Variants in EXOC7 observed in about 807,000 individuals in gnomAD.
EXOC7 encodes exocyst complex component 7, also known as exocyst complex component Exo70.
In EXOC7, 51 loss-of-function variants were observed where a neutral mutation model predicts 87.6. The ratio of observed to expected loss-of-function variants is 0.58; its 90% CI spans 0.46 to 0.73. The LOEUF is 0.73. EXOC7 is among the 30% of genes least tolerant of loss of function. The pLI is 0.00. For synonymous variants in EXOC7, 327 were observed against 357.1 expected (o/e 0.92, Z 0.95); for missense variants, 744 against 888.4 (o/e 0.84, Z 2.07).
In EXOC7 at chr17:76,085,263, G is replaced by A. The variant is rs555967410; in HGVS notation, c.1712+51C>T. 4 of 1,414,650 alleles carry A rather than the reference G, an allele frequency of 2.8e-6. No homozygotes were observed. The East Asian group carries it at 7.3e-5, about 26-fold the overall frequency. The allele number at this position is 1,414,650 out of a possible 1,614,324, so 87.6% of individuals were successfully genotyped here. A position where few individuals can be genotyped will look rare whatever the true frequency, so the allele number is the denominator to read the frequency against. On this transcript the variant is annotated intron_variant, in intron 15 of 18. Coordinates refer to ENST00000589210, the MANE Select transcript of EXOC7 (RefSeq NM_001013839.4). ...TCCTGAGGTGCTGAGAAGGAAGAGT[G>A]CGTGGTGGCACAGGGGCCCATGCAG...
intron 12 of EXOC7, 156 bp downstream of exon 12, chr17:76,087,498 G>T: frequency 1.5e-6 from 1 of 688,846 alleles, no homozygotes; most frequent in Non-Finnish European, 2.4e-6. Flanking sequence ...GGCAAACCTT[G>T]CTCTCCTGAT....
At chr17:76,091,554 A>AGGAC in intron 6 of EXOC7, 1 of 286,072 alleles carries the variant, frequency 3.5e-6, no homozygotes, top group Non-Finnish European at 6.7e-6. Flanking sequence ...CATAATCAGA[A>AGGAC]CAGGCGAGGG....
chr17:76,091,175 T>C lies in EXOC7; in HGVS notation c.869A>G (p.Lys290Arg). The change falls in exon 7 of 19, where the codon AAA (lysine) becomes AGA (arginine). Residue 290 changes from lysine to arginine, a missense_variant. By Grantham distance (26) the Lys-to-Arg change is conservative (BLOSUM62 2). Coordinates refer to ENST00000589210, the MANE Select transcript of EXOC7 (RefSeq NM_001013839.4). ...KQYSQHGLDG[K>R]KGGSNLIPLE... ...AGGAATGAGGTTAGAGCCCCCCTTT[T>C]TCCCATCTAGACCATGCTGGGAATA... The C allele has an allele frequency of 1.2e-6, 2 of 1,614,160 alleles. No homozygotes were observed. Among genetic ancestry groups the C allele is most frequent in the Non-Finnish European group, 1.7e-6 (2 of 1,180,016 alleles).
intron 15 of EXOC7, 79 bp downstream of exon 15, chr17:76,085,235 G>C: frequency 1.7e-6 from 2 of 1,178,948 alleles, no homozygotes; most frequent in Non-Finnish European, 1.2e-6. Context: ...GACCGACTCT[G>C]TGTCCTGAGG....
intron 2 of EXOC7, among the ~76,000 whole-genome samples, chr17:76,102,192 C>T (rs1477502739): frequency 2.6e-5 from 4 of 152,180 alleles, no homozygotes; most frequent in African/African-American, 9.7e-5. Context: ...TGAAGCATTC[C>T]TAAACCGGAC....
At chr17:76,091,654 G>A (rs2067486413) in intron 6 of EXOC7, 1 of 173,370 alleles carries the variant, frequency 5.8e-6, no homozygotes, top group Non-Finnish European at 1.2e-5. Flanking sequence ...AAGCCAGCAG[G>A]CCCCCAGCCC....
chr17:76,093,764 T>C (rs2073560931), intron 6 of EXOC7: 1 of 152,352 alleles, frequency 6.6e-6, no homozygotes, highest in Non-Finnish European at 1.5e-5. Context: ...GCACAGACTA[T>C]AAGGGATATG....
chr17:76,103,468 C>T, intron 1 of EXOC7, 42 bp from the exon 2 acceptor site: 3 of 1,567,900 alleles, frequency 1.9e-6, no homozygotes, highest in Non-Finnish European at 2.6e-6. Flanking sequence ...AAACCAGAAG[C>T]TAAAGGAGAC....
intron 17 of EXOC7, 25 bp downstream of exon 17, chr17:76,084,223 T>C: frequency 6.2e-7 from 1 of 1,608,788 alleles, no homozygotes; most frequent in Non-Finnish European, 8.5e-7. Context: ...CAGCAAGCAG[T>C]GGAGGGGAGA....
At position 76,082,296 on chromosome 17, in the gene EXOC7, G is replaced by T; in HGVS notation, c.*1352C>A. The T allele has an allele frequency of 8.8e-6, 7 of 797,558 alleles. No individual in the cohort carries two copies. The highest frequency in any genetic ancestry group is 3.4e-4 in the Middle Eastern group (1 of 2,976). 49.4% of individuals were successfully genotyped at this position (797,558 alleles called of 1,614,324 possible). A position where few individuals can be genotyped will look rare whatever the true frequency, so the allele number is the denominator to read the frequency against. ...CCCATGCCTTGCACAGCCTAAGAGG[G>T]TGTTTCTTCAACTGAAGATGGCCTG... On this transcript the variant is annotated 3_prime_UTR_variant, in exon 19 of 19. Coordinates refer to ENST00000589210, the MANE Select transcript of EXOC7 (RefSeq NM_001013839.4).
At chr17:76,099,597 ACT>A (rs1433740930) in intron 4 of EXOC7, among the ~76,000 whole-genome samples, 1 of 152,252 alleles carries the variant, frequency 6.6e-6, no homozygotes, top group Non-Finnish European at 1.5e-5. Context: ...GAAATGAAGT[ACT>A]GATACATGCT....
At chr17:76,103,192 A>G (rs2068159932) in intron 2 of EXOC7, 169 bp downstream of exon 2, 1 of 630,682 alleles carries the variant, frequency 1.6e-6, no homozygotes, top group Admixed American at 2.6e-5. Flanking sequence ...GAACATGGGG[A>G]GGGGGCTAGG....
intron 5 of EXOC7, among the ~76,000 whole-genome samples, chr17:76,097,127 C>T (rs984191558): frequency 2.6e-5 from 4 of 152,146 alleles, no homozygotes; most frequent in Non-Finnish European, 5.9e-5. Context: ...GGATTACAGG[C>T]ATAGCCACAG....
chr17:76,084,331 G>C, intron 16 of EXOC7, 42 bp from the exon 17 acceptor site: 2 of 1,613,220 alleles, frequency 1.2e-6, no homozygotes, highest in Non-Finnish European at 1.7e-6. Flanking sequence ...TCACTTCAGA[G>C]CAGAGCAGCC....
rs147434702 is a variant in EXOC7, at chr17:76,084,072, T to C, written c.1886A>G (p.Gln629Arg). The change falls in exon 18 of 19, where the codon CAG (glutamine) becomes CGG (arginine). Residue 629 changes from glutamine (Q) to arginine (R), a missense_variant. Physicochemically the swap from Gln to Arg is conservative, Grantham distance 43 (BLOSUM62 1). Coordinates refer to ENST00000589210, the MANE Select transcript of EXOC7 (RefSeq NM_001013839.4). Reference protein sequence around the residue: ...QKAWAIPDTEQRDRIRQAQKT... With the variant: ...QKAWAIPDTERRDRIRQAQKT... ...CTGGGCCTGGCGAATCCTGTCCCTC[T>C]GCTCTGTGTCTGGAATAGCCCAGGC... 90 of 1,611,228 alleles carry C rather than the reference T, an allele frequency of 5.6e-5. No individual in the cohort carries two copies. The East Asian group carries it at 1.9e-3, about 35-fold the overall frequency.
chr17:76,091,567 C>T, intron 6 of EXOC7: 1 of 256,410 alleles, frequency 3.9e-6, no homozygotes, highest in South Asian at 5.0e-5. Flanking sequence ...GGCGAGGGCT[C>T]AGGTCGGAGG....
chr17:76,086,955 T>C, intron 12 of EXOC7: 2 of 1,452,560 alleles, frequency 1.4e-6, no homozygotes, highest in Non-Finnish European at 1.9e-6. Flanking sequence ...GGGAGAAAGA[T>C]GCAAAGTGCA....
At position 76,083,438 on chromosome 17, in the gene EXOC7, G is replaced by A. The variant is rs942878710; in HGVS notation, c.*210C>T. 6.8e-5 allele frequency: 39 copies of A among 577,716 alleles called. 1 individual carries two copies. Among genetic ancestry groups the A allele is most frequent in the East Asian group, 2.3e-4 (8 of 34,144 alleles). The allele number at this position is 577,716 out of a possible 1,614,324, so 35.8% of individuals were successfully genotyped here. On this transcript the variant is annotated 3_prime_UTR_variant, in exon 19 of 19. Coordinates refer to ENST00000589210, the MANE Select transcript of EXOC7 (RefSeq NM_001013839.4). Reference sequence around the variant, plus strand: ...AGGTGTGGAGGGACCCCAGGCTTCCGGGAGAGTGCTGGTTCGGCTGGGAAC... The same window carrying A: ...AGGTGTGGAGGGACCCCAGGCTTCCAGGAGAGTGCTGGTTCGGCTGGGAAC...
At chr17:76,094,349 A>T in intron 6 of EXOC7, 65 bp downstream of exon 6, 2 of 1,533,344 alleles carry the variant, frequency 1.3e-6, no homozygotes, top group Non-Finnish European at 1.8e-6. Flanking sequence ...GCTAGATTGG[A>T]CTAAAGCAGT....
Sources: gnomAD v4.1 joint callset for allele counts (sites outside exome capture counted in the v4.1 genomes callset) on GRCh38, gnomAD v4.1.1 for gene constraint, MANE v1.5 for transcripts, NCBI Gene and HGNC (gene_info 2026-07-23, HGNC 2026-07-21) for gene names.